The following CLIC5 variants were observed in gnomAD, a reference collection of about 807,000 sequenced individuals.
CLIC5 encodes the protein chloride intracellular channel protein 5.
CLIC5 carries 20 observed loss-of-function variants against 24.7 expected under a neutral mutation model. The ratio of observed to expected loss-of-function variants is 0.81; its 90% CI spans 0.57 to 1.18. The LOEUF (loss-of-function observed/expected upper bound fraction) is 1.18. Among genes scored for constraint, CLIC5 ranks in the 50% most tolerant of loss-of-function variants. CLIC5 has a pLI of 0.00. For synonymous variants in CLIC5, 159 were observed against 135.6 expected (o/e 1.17, Z -1.20); for missense variants, 341 against 326.1 (o/e 1.05, Z -0.35).
upstream of CLIC5, among the ~76,000 whole-genome samples, chr6:46,082,659 T>C (rs1196401060): frequency 6.6e-6 from 1 of 152,142 alleles, no homozygotes; most frequent in Non-Finnish European, 1.5e-5. Context: ...GATATTTGCA[T>C]AGTCAATTCC....
chr6:46,031,479 A>G (rs957051196), intron 1 of CLIC5, among the ~76,000 whole-genome samples: 5 of 152,204 alleles, frequency 3.3e-5, no homozygotes, highest in Non-Finnish European at 5.9e-5. Context: ...AGATTTTCTC[A>G]TTTATTCAAT....
At chr6:46,104,931 C>T in the CLIC5 span, among the ~76,000 whole-genome samples, 4 of 152,156 alleles carry the variant, frequency 2.6e-5, no homozygotes, top group African/African-American at 7.2e-5. Flanking sequence ...AATTCCATGC[C>T]TTCATTCCTG....
chr6:45,974,467 G>A (rs1765309995), intron 1 of CLIC5, among the ~76,000 whole-genome samples: 1 of 142,818 alleles, frequency 7.0e-6, no homozygotes, highest in South Asian at 2.3e-4. Context: ...CATGTCTTGG[G>A]AAGCAGTGTT....
intron 1 of CLIC5, among the ~76,000 whole-genome samples, chr6:46,069,485 C>T (rs1188557684): frequency 6.6e-6 from 1 of 152,086 alleles, no homozygotes; most frequent in Non-Finnish European, 1.5e-5. Flanking sequence ...TTCCTGGACA[C>T]ATACACCCTC....
chr6:46,038,410 G>C (rs896396542), intron 1 of CLIC5, among the ~76,000 whole-genome samples: 2 of 152,142 alleles, frequency 1.3e-5, no homozygotes, highest in Admixed American at 1.3e-4. Context: ...TGGGAGAAAG[G>C]GGACAACCCA....
chr6:46,038,736 C>T (rs1314981469), intron 1 of CLIC5, among the ~76,000 whole-genome samples: 1 of 152,156 alleles, frequency 6.6e-6, no homozygotes, highest in Non-Finnish European at 1.5e-5. Context: ...GGGGACATGC[C>T]TTTCTGAAAC....
At chr6:45,904,538 A>T (rs886616891) in intron 5 of CLIC5, among the ~76,000 whole-genome samples, 8 of 150,860 alleles carry the variant, frequency 5.3e-5, no homozygotes, top group Non-Finnish European at 8.8e-5. Flanking sequence ...ACTGTGCACT[A>T]GGGCCTGCAC....
At chr6:46,021,439 G>A (rs895964237) in intron 1 of CLIC5, among the ~76,000 whole-genome samples, 2 of 152,038 alleles carry the variant, frequency 1.3e-5, no homozygotes, top group African/African-American at 4.8e-5. Flanking sequence ...TTATCCAAGA[G>A]AAATGAAAAC....
At position 45,900,782 on chromosome 6, in the gene CLIC5, C is replaced by T. The variant is rs779732451; in HGVS notation, c.*2306G>A. 6.6e-6 allele frequency: 1 copy of T among 152,148 alleles called. No homozygotes were observed. Among genetic ancestry groups the T allele is most frequent in the Non-Finnish European group, 1.5e-5 (1 of 68,032 alleles). The allele number at this position is 152,148 out of a possible 1,614,324, so 9.4% of individuals were successfully genotyped here. A position where few individuals can be genotyped will look rare whatever the true frequency, so the allele number is the denominator to read the frequency against. ...CCTCCTTGTCTTAATATATTTATCT[C>T]TGTAAAACTAGCTCAACCACAGAAG... On this transcript the variant is annotated 3_prime_UTR_variant, in exon 6 of 6. Coordinates refer to ENST00000339561, the MANE Select transcript of CLIC5 (RefSeq NM_016929.5).
intron 5 of CLIC5, among the ~76,000 whole-genome samples, chr6:45,904,639 T>TCCTTCCCTCCCTCCCTCC (rs1554143218): frequency 1.7e-4 from 23 of 135,252 alleles, no homozygotes; most frequent in Non-Finnish European, 2.9e-4. Context: ...CCCTCCCTCT[T>TCCTTCCCTCCCTCCCTCC]TTCTGTCCCT....
the CLIC5 span, among the ~76,000 whole-genome samples, chr6:46,101,184 G>A: frequency 6.6e-6 from 1 of 152,178 alleles, no homozygotes; most frequent in South Asian, 2.1e-4. Flanking sequence ...TTGTAAGACT[G>A]CTCTGCTGCT....
At chr6:45,983,718 T>A (rs1284067139) in intron 1 of CLIC5, among the ~76,000 whole-genome samples, 5 of 152,176 alleles carry the variant, frequency 3.3e-5, no homozygotes, top group Non-Finnish European at 7.3e-5. Context: ...CACACATCCA[T>A]TCAATCACCA....
chr6:46,042,357 A>C (rs1767830731), intron 1 of CLIC5, among the ~76,000 whole-genome samples: 1 of 151,774 alleles, frequency 6.6e-6, no homozygotes, highest in African/African-American at 2.4e-5. Context: ...AATTTCCCCA[A>C]GTTCTGTAGG....
At chr6:45,912,765 A>C in intron 5 of CLIC5, 1 of 1,446,988 alleles carries the variant, frequency 6.9e-7, no homozygotes, top group South Asian at 1.2e-5. Flanking sequence ...ATAAAGGATG[A>C]TGGGTGGGGC....
chr6:45,956,607 G>A (rs9472623), intron 1 of CLIC5, among the ~76,000 whole-genome samples: 3 of 151,724 alleles, frequency 2.0e-5, no homozygotes, highest in Non-Finnish European at 4.4e-5. Flanking sequence ...TCATACATTA[G>A]AACCTCATTG....
chr6:45,926,212 T>C (rs28693000), intron 4 of CLIC5, among the ~76,000 whole-genome samples: 4 of 140,368 alleles, frequency 2.8e-5, no homozygotes, highest in South Asian at 2.4e-4. Context: ...CACACACACA[T>C]ATATACATAC....
At chr6:45,909,897 A>G (rs1453272182) in intron 5 of CLIC5, among the ~76,000 whole-genome samples, 2 of 152,188 alleles carry the variant, frequency 1.3e-5, no homozygotes, top group African/African-American at 4.8e-5. Context: ...GAAGCCCCAG[A>G]TCAGTCACTC....
rs140634638 is a variant in CLIC5, at chr6:46,010,676, G to A, written c.63+4804C>T. 3.3e-5 allele frequency among the ~76,000 whole-genome samples: 5 copies of A among 152,286 alleles called. No homozygotes were observed. The East Asian group carries it at 7.7e-4, about 24-fold the overall frequency. On this transcript the variant is annotated intron_variant, in intron 1 of 5. Coordinates refer to ENST00000339561, the MANE Select transcript of CLIC5 (RefSeq NM_016929.5). Reference sequence around the variant, plus strand: ...CTGGCAGTGGACGTCAGCTTCTGCAGACCCAGTCCTCATTCCCACCACCCT... The same window carrying A: ...CTGGCAGTGGACGTCAGCTTCTGCAAACCCAGTCCTCATTCCCACCACCCT...
chr6:46,005,542 T>G (rs1404669848), intron 1 of CLIC5, among the ~76,000 whole-genome samples: 1 of 152,182 alleles, frequency 6.6e-6, no homozygotes, highest in African/African-American at 2.4e-5. Flanking sequence ...GGCACAGCAG[T>G]CTTCCACTTT....
Sources: gnomAD v4.1 joint callset for allele counts (sites outside exome capture counted in the v4.1 genomes callset) on GRCh38, gnomAD v4.1.1 for gene constraint, MANE v1.5 for transcripts, NCBI Gene and HGNC (gene_info 2026-07-23, HGNC 2026-07-21) for gene names.